ENTPD5: variants seen among roughly 807,000 people sequenced by gnomAD.
ENTPD5 encodes the protein ectonucleoside triphosphate diphosphohydrolase 5 (inactive).
In ENTPD5, 49 loss-of-function variants were observed where a neutral mutation model predicts 60.2. The observed-to-expected ratio is 0.81, with a 90% CI of 0.65 to 1.03. The LOEUF is 1.03. ENTPD5 is among the 50% of genes least tolerant of loss of function. The pLI, the probability that ENTPD5 is intolerant of heterozygous loss-of-function variation, is 0.00. For missense variants in ENTPD5, 480 were observed against 507.6 expected, an observed-to-expected ratio of 0.95 and a Z score of 0.52; for synonymous variants, 187 against 185.4, an observed-to-expected ratio of 1.01 and a Z score of -0.07.
At chr14:73,981,141 A>G (rs2057672035) in intron 6 of ENTPD5, among the ~76,000 whole-genome samples, 1 of 151,950 alleles carries the variant, frequency 6.6e-6, no homozygotes. Context: ...AATAAAAATA[A>G]AAATACTGAA....
At chr14:73,984,710 A>C (rs1026165814) in intron 5 of ENTPD5, among the ~76,000 whole-genome samples, 3 of 151,850 alleles carry the variant, frequency 2.0e-5, no homozygotes, top group Non-Finnish European at 4.4e-5. Flanking sequence ...TAATTAATTA[A>C]TTTATTTATT....
At chr14:74,005,179 T>A (rs1383122065) in intron 3 of ENTPD5, among the ~76,000 whole-genome samples, 1 of 148,590 alleles carries the variant, frequency 6.7e-6, no homozygotes, top group Non-Finnish European at 1.5e-5. Flanking sequence ...GGCAGGAGAA[T>A]TGCTTGAACC....
chr14:73,985,675 C>T (rs1200435090), intron 5 of ENTPD5, among the ~76,000 whole-genome samples: 2 of 152,098 alleles, frequency 1.3e-5, no homozygotes, highest in African/African-American at 4.8e-5. Context: ...TAAAAATTTT[C>T]TCCCGTTCTG....
rs1420607630 is a variant in ENTPD5, at chr14:73,963,474, T to TATACTG, written c.*3448_*3453dup. ...AAATTGCTTTAACCTTTGTTACAGGTATACTGGACTTTCTGAAAGGAAAAC... is the reference window on the plus strand; with the variant it reads ...AAATTGCTTTAACCTTTGTTACAGGTATACTGATACTGGACTTTCTGAAAGGAAAAC... On this transcript the variant is annotated 3_prime_UTR_variant, in exon 16 of 16. Coordinates refer to ENST00000334696, the MANE Select transcript of ENTPD5 (RefSeq NM_001249.5). 1 of 185,856 alleles carries TATACTG rather than the reference T, an allele frequency of 5.4e-6. No individual in the cohort carries two copies. Among genetic ancestry groups the TATACTG allele is most frequent in the Non-Finnish European group, 1.1e-5 (1 of 90,190 alleles). 11.5% of individuals were successfully genotyped at this position (185,856 alleles called of 1,614,324 possible).
intron 8 of ENTPD5, 33 bp downstream of exon 8, chr14:73,976,991 T>A (rs999813799): frequency 6.4e-7 from 1 of 1,574,656 alleles, no homozygotes; most frequent in African/African-American, 1.4e-5. Context: ...AAAAGCTAGT[T>A]AAGCTCTAAA....
In ENTPD5 at chr14:73,964,243, C is replaced by T. The variant is rs2056881843; in HGVS notation, c.*2685G>A. 1 of 152,152 alleles carries T rather than the reference C, an allele frequency of 6.6e-6. No homozygotes were observed. The highest frequency in any genetic ancestry group is 1.5e-5 in the Non-Finnish European group (1 of 68,030). The allele number at this position is 152,152 out of a possible 1,614,324, so 9.4% of individuals were successfully genotyped here. A position where few individuals can be genotyped will look rare whatever the true frequency, so the allele number is the denominator to read the frequency against. Reference sequence around the variant, plus strand: ...GATGTTAAACACCATCTGTCACGTACCAGGCCATGTCCTAAGTATTTTAAA... The same window carrying T: ...GATGTTAAACACCATCTGTCACGTATCAGGCCATGTCCTAAGTATTTTAAA... On this transcript the variant is annotated 3_prime_UTR_variant, in exon 16 of 16. Coordinates refer to ENST00000334696, the MANE Select transcript of ENTPD5 (RefSeq NM_001249.5).
chr14:74,005,645 T>C (rs1011804608), intron 3 of ENTPD5, among the ~76,000 whole-genome samples: 1 of 151,604 alleles, frequency 6.6e-6, no homozygotes, highest in Admixed American at 6.6e-5. Context: ...CCATCTCTAC[T>C]AAAAATACAA....
intron 3 of ENTPD5, among the ~76,000 whole-genome samples, chr14:74,008,258 T>G (rs1049845421): frequency 6.6e-6 from 1 of 152,196 alleles, no homozygotes; most frequent in Non-Finnish European, 1.5e-5. Flanking sequence ...TCCAACAATA[T>G]GAGCTGTCTC....
chr14:73,990,062 A>G lies in ENTPD5; in HGVS notation c.-70-1890T>C, dbSNP rs1271632241. The stretch of plus-strand genomic sequence containing the variant: ...TAGCCAGGTATGGTGGCACATGCCT[A>G]TAGTCCCAGGTACTTGGGAGGCTGA... On this transcript the variant is annotated intron_variant, in intron 3 of 15. Coordinates refer to ENST00000334696, the MANE Select transcript of ENTPD5 (RefSeq NM_001249.5). Among the ~76,000 whole-genome samples the G allele has an allele frequency of 2.6e-5, 4 of 151,894 alleles. No homozygotes were observed. The East Asian group carries it at 5.8e-4, about 22-fold the overall frequency.
chr14:73,976,294 T>G (rs1191771640), intron 9 of ENTPD5, 30 bp downstream of exon 9: 4 of 1,600,352 alleles, frequency 2.5e-6, no homozygotes, highest in Non-Finnish European at 3.4e-6. Flanking sequence ...CCAAGTGCAC[T>G]TCTAACCAGA....
intron 3 of ENTPD5, chr14:73,996,265 C>A: frequency 7.2e-6 from 6 of 827,920 alleles, no homozygotes; most frequent in Non-Finnish European, 8.7e-6. Flanking sequence ...TGCTAACTCA[C>A]TCCCTTCTCT....
downstream of ENTPD5, chr14:73,956,239 A>T (rs2056430864): frequency 2.9e-6 from 1 of 347,746 alleles, no homozygotes; most frequent in Non-Finnish European, 5.7e-6. Flanking sequence ...GAGGCAGGAG[A>T]ATGGCGTGAA....
chr14:73,976,071 T>A lies in ENTPD5; in HGVS notation c.643-56A>T, dbSNP rs886569636. ...CAGGATCTGTAATTACCTGAAGATGTTCACACCACCACCCGTCCCTCCCAG... is the reference window on the plus strand; with the variant it reads ...CAGGATCTGTAATTACCTGAAGATGATCACACCACCACCCGTCCCTCCCAG... On this transcript the variant is annotated intron_variant, in intron 9 of 15. Transcript: ENST00000334696. 3 of 1,402,620 alleles carry A rather than the reference T, an allele frequency of 2.1e-6. No homozygotes were observed. In the Admixed American group the frequency reaches 5.1e-5, roughly 24 times the overall value. 86.9% of individuals were successfully genotyped at this position (1,402,620 alleles called of 1,614,324 possible). A position where few individuals can be genotyped will look rare whatever the true frequency, so the allele number is the denominator to read the frequency against.
rs910033183 is a variant in ENTPD5 at position 73,965,170 on chromosome 14, A to G, written c.*1758T>C. On this transcript the variant is annotated 3_prime_UTR_variant, in exon 16 of 16. Coordinates refer to ENST00000334696, the MANE Select transcript of ENTPD5 (RefSeq NM_001249.5). ...ATTTGCCTAGTAACTTGCACACAGC[A>G]GATGGTAAATATTTATTGACTCAAT... The G allele has an allele frequency of 6.6e-6, 1 of 152,246 alleles. No homozygotes were observed. Among genetic ancestry groups the G allele is most frequent in the Non-Finnish European group, 1.5e-5 (1 of 68,046 alleles). 9.4% of individuals were successfully genotyped at this position (152,246 alleles called of 1,614,324 possible).
downstream of ENTPD5, chr14:73,959,751 G>A (rs1248308804): frequency 8.7e-7 from 1 of 1,152,802 alleles, no homozygotes. Context: ...TCTATTTTTA[G>A]TAGAGATGAG....
rs923317021 is a variant in ENTPD5 at position 73,963,952 on chromosome 14, T to TA, written c.*2975dup. On this transcript the variant is annotated 3_prime_UTR_variant, in exon 16 of 16. Coordinates refer to ENST00000334696, the MANE Select transcript of ENTPD5 (RefSeq NM_001249.5). ...GCTTTTCAGGCAAATGCAGAAAATTTAAAAGAGTCTAGAACAAAAAAGTGA... is the reference window on the plus strand; with the variant it reads ...GCTTTTCAGGCAAATGCAGAAAATTTAAAAAGAGTCTAGAACAAAAAAGTGA... 4 of 152,282 alleles carry TA rather than the reference T, an allele frequency of 2.6e-5. No individual in the cohort carries two copies. The East Asian group carries it at 7.7e-4, about 29-fold the overall frequency. The allele number at this position is 152,282 out of a possible 1,614,324, so 9.4% of individuals were successfully genotyped here.
At chr14:73,961,436 A>C (rs771154670), downstream of ENTPD5, 16 of 1,614,028 alleles carry the variant, frequency 9.9e-6, no homozygotes, top group Admixed American at 1.2e-4. Flanking sequence ...GTCACACCTG[A>C]ACTCTGCTTT....
intron 3 of ENTPD5, chr14:74,003,613 C>G (rs1249538537): frequency 1.9e-6 from 1 of 517,234 alleles, no homozygotes; most frequent in Non-Finnish European, 3.7e-6. Context: ...TCACCGCCCT[C>G]TGATCGCTGA....
intron 1 of ENTPD5, among the ~76,000 whole-genome samples, chr14:74,016,179 A>G (rs1303920056): frequency 6.6e-6 from 1 of 152,220 alleles, no homozygotes; most frequent in Non-Finnish European, 1.5e-5. Context: ...GACAGTAACA[A>G]CATCCAGTTC....
Sources: gnomAD v4.1 joint callset for allele counts (sites outside exome capture counted in the v4.1 genomes callset) on GRCh38, gnomAD v4.1.1 for gene constraint, MANE v1.5 for transcripts, NCBI Gene and HGNC (gene_info 2026-07-23, HGNC 2026-07-21) for gene names.